ZYG11B: variants seen among roughly 807,000 people sequenced by gnomAD.
ZYG11B encodes zyg-11 family member B, cell cycle regulator.
A neutral mutation model predicts 82.4 loss-of-function variants in ZYG11B; 36 were observed. That is an observed-to-expected ratio of 0.44 (90% confidence interval 0.33 to 0.58). The LOEUF (loss-of-function observed/expected upper bound fraction) is 0.58, where lower values mean the gene tolerates loss of function less well. Among genes scored for constraint, ZYG11B ranks in the 20% least tolerant of loss-of-function variants. The probability of loss-of-function intolerance (pLI) is 0.02; values close to 1 mark genes in which losing one functional copy is unlikely to be tolerated. For synonymous variants in ZYG11B, 303 were observed against 312.8 expected (o/e 0.97, Z 0.33); for missense variants, 552 against 895.6 (o/e 0.62, Z 4.90).
chr1:52,783,900 G>GTGTGTATGTACATACACGTGTT (rs1644886251), intron 4 of ZYG11B, among the ~76,000 whole-genome samples: 2 of 44,068 alleles, frequency 4.5e-5, no homozygotes, highest in African/African-American at 2.8e-4. Context: ...ATACACGTGT[G>GTGTGTATGTACATACACGTGTT]TGTATATACA....
intron 2 of ZYG11B, among the ~76,000 whole-genome samples, chr1:52,767,194 T>C (rs1644701875): frequency 1.3e-5 from 2 of 151,536 alleles, no homozygotes; most frequent in Non-Finnish European, 2.9e-5. Flanking sequence ...TTATGTTATT[T>C]TATTTTATTT....
chr1:52,741,516 G>A (rs1335663159), intron 1 of ZYG11B, among the ~76,000 whole-genome samples: 1 of 152,010 alleles, frequency 6.6e-6, no homozygotes, highest in African/African-American at 2.4e-5. Flanking sequence ...CTCTGGATAC[G>A]TAGTCTTTTT....
At chr1:52,817,816 T>TATATATATATA (rs1160186535) in intron 13 of ZYG11B, among the ~76,000 whole-genome samples, 5 of 8,116 alleles carry the variant, frequency 6.2e-4, no homozygotes, top group African/African-American at 8.4e-4. Context: ...TATATATATA[T>TATATATATATA]TTTTTTTTTT....
At chr1:52,820,650 A>G (rs1174009066) in intron 13 of ZYG11B, among the ~76,000 whole-genome samples, 1 of 147,832 alleles carries the variant, frequency 6.8e-6, no homozygotes. Flanking sequence ...GCAGTGAGCC[A>G]TGATCACACC....
intron 2 of ZYG11B, among the ~76,000 whole-genome samples, chr1:52,757,037 CTT>C (rs201568248): frequency 1.5e-5 from 2 of 133,640 alleles, no homozygotes. Context: ...TTTGAGAAGT[CTT>C]TTTTTTTTTT....
intron 3 of ZYG11B, among the ~76,000 whole-genome samples, chr1:52,775,748 TC>T (rs1264476977): frequency 2.0e-5 from 3 of 151,332 alleles, no homozygotes; most frequent in Admixed American, 2.0e-4. Flanking sequence ...CTTGAGGAAT[TC>T]TAGTCTAGTG....
chr1:52,749,709 C>T (rs1005225799), intron 1 of ZYG11B, among the ~76,000 whole-genome samples: 3 of 151,626 alleles, frequency 2.0e-5, no homozygotes, highest in South Asian at 2.1e-4. Flanking sequence ...GTTGCCACCA[C>T]GCTTGGCTAA....
intron 2 of ZYG11B, among the ~76,000 whole-genome samples, chr1:52,766,869 A>G (rs1644693752): frequency 6.6e-6 from 1 of 152,074 alleles, no homozygotes; most frequent in Non-Finnish European, 1.5e-5. Flanking sequence ...TTAGCTGGGC[A>G]TGGCAGCGTG....
At chr1:52,794,541 A>G (rs1644991640) in intron 6 of ZYG11B, among the ~76,000 whole-genome samples, 1 of 152,190 alleles carries the variant, frequency 6.6e-6, no homozygotes, top group African/African-American at 2.4e-5. Flanking sequence ...TAAATAGGAT[A>G]TATAGTCCCC....
In ZYG11B at chr1:52,750,077, C is replaced by T. The variant is rs1040788587; in HGVS notation, c.31-6381C>T. ...GTATTTATTTCTAGTCTTGTGTTTACACTTGTTTAAACTATTTATTTTATT... is the reference window on the plus strand; with the variant it reads ...GTATTTATTTCTAGTCTTGTGTTTATACTTGTTTAAACTATTTATTTTATT... On this transcript the variant is annotated intron_variant, in intron 1 of 13. Transcript: ENST00000294353. Among the ~76,000 whole-genome samples, 8 of 152,092 alleles carry T rather than the reference C, an allele frequency of 5.3e-5. No homozygotes were observed. In the South Asian group the frequency reaches 6.2e-4, roughly 12 times the overall value.
intron 2 of ZYG11B, among the ~76,000 whole-genome samples, chr1:52,757,668 CTG>C (rs1644591188): frequency 1.3e-5 from 2 of 152,060 alleles, no homozygotes; most frequent in South Asian, 4.2e-4. Context: ...GAGCAAGACT[CTG>C]TCTCAAAACA....
intron 5 of ZYG11B, among the ~76,000 whole-genome samples, chr1:52,785,779 C>T (rs949421672): frequency 2.0e-4 from 30 of 152,072 alleles, no homozygotes; most frequent in Admixed American, 7.9e-4. Context: ...TTGAAATTGA[C>T]CATTGAGTTG....
In ZYG11B at chr1:52,782,403, T is replaced by A. The variant is rs149837858; in HGVS notation, c.1092+2410T>A. On this transcript the variant is annotated intron_variant, in intron 4 of 13. Transcript: ENST00000294353. ...CACTTTTATTTTATTTTTTTAAAGA[T>A]ACAAGATCTAGCTGTATTGCCCAAG... Among the ~76,000 whole-genome samples the A allele has an allele frequency of 8.2e-3, 1,241 of 150,894 alleles. 16 individuals are homozygous for A. In the Middle Eastern group the frequency reaches 0.13, roughly 16 times the overall value.
chr1:52,803,171 CACATATAT>C lies in ZYG11B; in HGVS notation c.1695+1034_1695+1041del, dbSNP rs1645101620. On this transcript the variant is annotated intron_variant, in intron 10 of 13. Transcript: ENST00000294353. The stretch of plus-strand genomic sequence containing the variant: ...ATATATATACACATATATATATACA[CACATATAT>C]ATATATATACACATATATATATATA... 1.3e-4 allele frequency among the ~76,000 whole-genome samples: 7 copies of C among 53,382 alleles called. No individual in the cohort carries two copies. In the African/African-American group the frequency reaches 1.6e-3, roughly 12 times the overall value. The allele number at this position is 53,382 out of a possible 152,430, so 35.0% of individuals were successfully genotyped here.
rs553599757 is a variant in ZYG11B, at chr1:52,746,332, CAA to C, written c.31-10122_31-10121del. ...AATCCATGGAACACAATCCTGCAAACAAAAAGTCATTTTGAAATAACTCAGTC... is the reference window on the plus strand; with the variant it reads ...AATCCATGGAACACAATCCTGCAAACAAAGTCATTTTGAAATAACTCAGTC... On this transcript the variant is annotated intron_variant, in intron 1 of 13. Transcript: ENST00000294353. Among the ~76,000 whole-genome samples the C allele has an allele frequency of 2.0e-4, 31 of 152,204 alleles. No individual in the cohort carries two copies. The East Asian group carries it at 3.5e-3, about 17-fold the overall frequency.
chr1:52,803,297 T>TATAC lies in ZYG11B; in HGVS notation c.1695+1159_1695+1160insTACA, dbSNP rs1553262870. Reference sequence around the variant, plus strand: ...ACACACACATATATATATATATATATACACATATATATACATATAATCCCA... The same window carrying TATAC: ...ACACACACATATATATATATATATATATACACACATATATATACATATAATCCCA... On this transcript the variant is annotated intron_variant, in intron 10 of 13. Transcript: ENST00000294353. Among the ~76,000 whole-genome samples, 70 of 115,202 alleles carry TATAC rather than the reference T, an allele frequency of 6.1e-4. 2 individuals are homozygous for TATAC. Among genetic ancestry groups the TATAC allele is most frequent in the East Asian group, 2.5e-3 (11 of 4,338 alleles). 75.6% of individuals were successfully genotyped at this position (115,202 alleles called of 152,430 possible). A position where few individuals can be genotyped will look rare whatever the true frequency, so the allele number is the denominator to read the frequency against.
At chr1:52,743,445 T>C (rs1365241973) in intron 1 of ZYG11B, among the ~76,000 whole-genome samples, 1 of 133,538 alleles carries the variant, frequency 7.5e-6, no homozygotes, top group Admixed American at 7.5e-5. Flanking sequence ...ATAAAATCGC[T>C]AAGAAAGTTA....
intron 1 of ZYG11B, among the ~76,000 whole-genome samples, chr1:52,752,738 TC>T (rs36081313): frequency 0.19 from 9,319 of 48,690 alleles, 403 homozygotes; most frequent in East Asian, 0.5. Flanking sequence ...GTGTCAGAAT[TC>T]GAATTGAATT....
In ZYG11B at chr1:52,826,842, T is replaced by G. The variant is rs781000190; in HGVS notation, c.*5213T>G. ...TATGTGTTTAATTTTGGACTTATTTTGGGAAAAACTGTTCAAATTGGGTCC... is the reference window on the plus strand; with the variant it reads ...TATGTGTTTAATTTTGGACTTATTTGGGGAAAAACTGTTCAAATTGGGTCC... On this transcript the variant is annotated 3_prime_UTR_variant, in exon 14 of 14. Coordinates refer to ENST00000294353, the MANE Select transcript of ZYG11B (RefSeq NM_024646.3). The G allele has an allele frequency of 2.6e-5, 4 of 152,204 alleles. No homozygotes were observed. The highest frequency in any genetic ancestry group is 4.4e-5 in the Non-Finnish European group (3 of 68,038). The allele number at this position is 152,204 out of a possible 1,614,324, so 9.4% of individuals were successfully genotyped here. A position where few individuals can be genotyped will look rare whatever the true frequency, so the allele number is the denominator to read the frequency against.
Sources: gnomAD v4.1 joint callset for allele counts (sites outside exome capture counted in the v4.1 genomes callset) on GRCh38, gnomAD v4.1.1 for gene constraint, MANE v1.5 for transcripts, NCBI Gene and HGNC (gene_info 2026-07-23, HGNC 2026-07-21) for gene names.